CAPN14: variants seen among roughly 807,000 people sequenced by gnomAD.
CAPN14 encodes calpain 14.
Under a neutral mutation model 101.3 loss-of-function variants are expected in CAPN14, and 94 were observed. That is an observed-to-expected ratio of 0.93 (90% CI 0.79 to 1.10). The LOEUF is 1.10. Ranked by LOEUF, CAPN14 falls within the 50% of genes least tolerant of loss-of-function variation. CAPN14 has a pLI of 0.00. For synonymous variants in CAPN14, 338 were observed against 317.9 expected (o/e 1.06, Z -0.67); for missense variants, 837 against 828.4 (o/e 1.01, Z -0.13).
At position 31,177,667 on chromosome 2, in the gene CAPN14, C is replaced by G. The variant is rs375478318; in HGVS notation, c.1855+79G>C. ...GCGTATTAGAGTTACTTCAGCATGCCACACATCCCCTCTCCTCTGCCTGAT... is the reference window on the plus strand; with the variant it reads ...GCGTATTAGAGTTACTTCAGCATGCGACACATCCCCTCTCCTCTGCCTGAT... On this transcript the variant is annotated intron_variant, in intron 19 of 21. Transcript: ENST00000403897. The G allele has an allele frequency of 2.3e-3, 2,422 of 1,039,190 alleles. 62 individuals carry two copies. In the South Asian group the frequency reaches 0.031, roughly 14 times the overall value. The allele number at this position is 1,039,190 out of a possible 1,614,324, so 64.4% of individuals were successfully genotyped here.
intron 1 of CAPN14, among the ~76,000 whole-genome samples, chr2:31,208,972 C>T (rs1029139184): frequency 1.3e-5 from 2 of 151,890 alleles, no homozygotes; most frequent in South Asian, 2.1e-4. Flanking sequence ...GTCAGCATTA[C>T]TATTATTTTT....
chr2:31,213,056 T>A (rs531421602), intron 1 of CAPN14, among the ~76,000 whole-genome samples: 6 of 152,358 alleles, frequency 3.9e-5, no homozygotes, highest in African/African-American at 1.4e-4. Flanking sequence ...AGACTAACTA[T>A]AGGCTTTGCC....
At position 31,182,865 on chromosome 2, in the gene CAPN14, C is replaced by T. The variant is rs564410691; in HGVS notation, c.1646-1865G>A. Among the ~76,000 whole-genome samples, 10 of 151,592 alleles carry T rather than the reference C, an allele frequency of 6.6e-5. No homozygotes were observed. The East Asian group carries it at 1.9e-3, about 29-fold the overall frequency. ...AAGTTCACATGGAACCAAAAAAGAG[C>T]CCGCATCGCCAAGTCAATCCTAAGC... is the stretch of plus-strand genomic sequence containing the variant. On this transcript the variant is annotated intron_variant, in intron 16 of 21. Coordinates refer to ENST00000403897, the MANE Select transcript of CAPN14 (RefSeq NM_001145122.2).
chr2:31,174,745 A>G, intron 21 of CAPN14, 38 bp from the exon 22 acceptor site: 1 of 1,550,532 alleles, frequency 6.4e-7, no homozygotes, highest in Non-Finnish European at 8.7e-7. Context: ...GTCAGTTCAG[A>G]CCCACGTCTC....
chr2:31,194,267 G>C, intron 9 of CAPN14, 142 bp downstream of exon 9: 1 of 645,804 alleles, frequency 1.5e-6, no homozygotes, highest in Non-Finnish European at 2.8e-6. Context: ...TGTCCTGCTA[G>C]ACCGTGAGCT....
chr2:31,193,540 C>A (rs1681316763), intron 9 of CAPN14, among the ~76,000 whole-genome samples: 1 of 152,198 alleles, frequency 6.6e-6, no homozygotes, highest in African/African-American at 2.4e-5. Flanking sequence ...AGCAGCCGGC[C>A]ACATGGCTGA....
rs780665948 is a variant in CAPN14, at chr2:31,189,282, T to C, written c.1484A>G (p.His495Arg). The C allele has an allele frequency of 1.4e-5, 21 of 1,551,018 alleles. No homozygotes were observed. The South Asian group carries it at 2.5e-4, about 18-fold the overall frequency. ...GACCTTGTGTCCTTACTAAAAGATG[T>C]GCTTCCTGGAGAAGACCCTGAGGAC... is the stretch of plus-strand genomic sequence containing the variant. ...EFVLRVFSRK[H>R]IFYEIGSNSG... is the part of the protein sequence containing the mutation. The change falls in exon 13 of 22, where the codon CAC (histidine) becomes CGC (arginine). Residue 495 changes from histidine to arginine, a missense_variant. His to Arg is a conservative substitution (Grantham distance 29). Transcript: ENST00000403897.
chr2:31,194,177 G>C (rs1454019388), intron 9 of CAPN14, among the ~76,000 whole-genome samples: 3 of 152,200 alleles, frequency 2.0e-5, no homozygotes, highest in African/African-American at 7.2e-5. Flanking sequence ...AAACAGCCTG[G>C]CTGAGCCCTC....
At chr2:31,181,265 T>C (rs1424237892) in intron 16 of CAPN14, among the ~76,000 whole-genome samples, 1 of 152,062 alleles carries the variant, frequency 6.6e-6, no homozygotes, top group Non-Finnish European at 1.5e-5. Flanking sequence ...CCTTTGTACC[T>C]AGGGAGGGCC....
At chr2:31,206,352 G>A (rs1314472081) in intron 1 of CAPN14, among the ~76,000 whole-genome samples, 1 of 152,164 alleles carries the variant, frequency 6.6e-6, no homozygotes, top group African/African-American at 2.4e-5. Flanking sequence ...GCTCTGGCAG[G>A]GCTGCAGGTT....
chr2:31,186,238 G>A (rs530149410), intron 16 of CAPN14, among the ~76,000 whole-genome samples, 190 bp downstream of exon 16: 44 of 152,216 alleles, frequency 2.9e-4, no homozygotes, highest in African/African-American at 9.9e-4. Context: ...TAATAATAAC[G>A]ATTTTCAAAG....
At chr2:31,175,936 C>T (rs1680266274) in intron 21 of CAPN14, among the ~76,000 whole-genome samples, 1 of 152,160 alleles carries the variant, frequency 6.6e-6, no homozygotes, top group African/African-American at 2.4e-5. Flanking sequence ...TTTGAAGGAT[C>T]AGGGAAGATA....
chr2:31,205,757 G>A (rs187293984), intron 1 of CAPN14, among the ~76,000 whole-genome samples: 5 of 152,226 alleles, frequency 3.3e-5, no homozygotes, highest in African/African-American at 1.2e-4. Flanking sequence ...CCTCAGGGCT[G>A]AGTCCTGGGC....
chr2:31,186,696 G>A (rs576627812), intron 15 of CAPN14, among the ~76,000 whole-genome samples: 2 of 152,164 alleles, frequency 1.3e-5, no homozygotes, highest in Non-Finnish European at 2.9e-5. Context: ...TGCTGCTGAA[G>A]TTTAGCCAAC....
intron 3 of CAPN14, 89 bp from the exon 4 acceptor site, chr2:31,202,341 G>T: frequency 1.1e-6 from 1 of 943,384 alleles, no homozygotes; most frequent in South Asian, 1.5e-5. Flanking sequence ...CACCCTCTCT[G>T]GGCTTGTAGC....
At chr2:31,212,312 C>CA (rs72155600) in intron 1 of CAPN14, among the ~76,000 whole-genome samples, 3,140 of 110,308 alleles carry the variant, frequency 0.028, 39 homozygotes, top group African/African-American at 0.049. Context: ...CGTCTCAAAA[C>CA]AAAAAAAAAA....
intron 12 of CAPN14, among the ~76,000 whole-genome samples, chr2:31,191,116 T>G (rs1223227559): frequency 6.6e-6 from 1 of 152,192 alleles, no homozygotes; most frequent in Non-Finnish European, 1.5e-5. Context: ...TGGGTATTTG[T>G]GTAGGAATTT....
upstream of CAPN14, among the ~76,000 whole-genome samples, chr2:31,218,991 A>G (rs1416112177): frequency 6.6e-6 from 1 of 151,972 alleles, no homozygotes; most frequent in Admixed American, 6.6e-5. Flanking sequence ...CCCAGACATA[A>G]CCTTTTCATT....
intron 1 of CAPN14, among the ~76,000 whole-genome samples, chr2:31,231,495 G>A (rs1479398842): frequency 6.6e-6 from 1 of 152,160 alleles, no homozygotes; most frequent in African/African-American, 2.4e-5. Flanking sequence ...TTTGAACACA[G>A]TATCTTTTTT....
Sources: gnomAD v4.1 joint callset for allele counts (sites outside exome capture counted in the v4.1 genomes callset) on GRCh38, gnomAD v4.1.1 for gene constraint, MANE v1.5 for transcripts, NCBI Gene and HGNC (gene_info 2026-07-23, HGNC 2026-07-21) for gene names.